Variants in SHISA6 observed in about 807,000 individuals in gnomAD.
SHISA6 encodes protein shisa-6.
Under a neutral mutation model 47.9 loss-of-function variants are expected in SHISA6, and 22 were observed. The observed-to-expected ratio is 0.46, with a 90% CI of 0.33 to 0.66. SHISA6 has a LOEUF of 0.66. SHISA6 is among the 30% of genes least tolerant of loss of function. SHISA6 has a pLI of 0.02. For synonymous variants in SHISA6, 388 were observed against 337.8 expected (o/e 1.15, Z -1.63); for missense variants, 680 against 764.6 (o/e 0.89, Z 1.30).
At chr17:11,472,438 A>T (rs1246433448) in intron 3 of SHISA6, among the ~76,000 whole-genome samples, 1 of 152,054 alleles carries the variant, frequency 6.6e-6, no homozygotes, top group Admixed American at 6.6e-5. Flanking sequence ...GCCTCAAGTG[A>T]TCCTTCTACC....
chr17:11,558,349 G>A lies in SHISA6; in HGVS notation c.*45G>A, dbSNP rs1181412671. 9.3e-6 allele frequency: 14 copies of A among 1,511,880 alleles called. No individual in the cohort carries two copies. The highest frequency in any genetic ancestry group is 1.3e-5 in the South Asian group (1 of 79,890). The allele number at this position is 1,511,880 out of a possible 1,614,324, so 93.7% of individuals were successfully genotyped here. A position where few individuals can be genotyped will look rare whatever the true frequency, so the allele number is the denominator to read the frequency against. ...GCTGCTGGGCGTGGCAGAGCAGAGCGGGGGCCGGGAGGGGCCAGGAGCAGA... is the reference window on the plus strand; with the variant it reads ...GCTGCTGGGCGTGGCAGAGCAGAGCAGGGGCCGGGAGGGGCCAGGAGCAGA... On this transcript the variant is annotated 3_prime_UTR_variant, in exon 6 of 6. Coordinates refer to ENST00000441885, the MANE Select transcript of SHISA6 (RefSeq NM_207386.4).
chr17:11,286,638 T>C (rs543665603), intron 2 of SHISA6, among the ~76,000 whole-genome samples: 1 of 152,346 alleles, frequency 6.6e-6, no homozygotes, highest in African/African-American at 2.4e-5. Context: ...TTTTCTCACA[T>C]GGGAGTCAGG....
chr17:11,368,239 T>A (rs1912516928), intron 2 of SHISA6, among the ~76,000 whole-genome samples: 1 of 152,142 alleles, frequency 6.6e-6, no homozygotes, highest in Non-Finnish European at 1.5e-5. Context: ...GATCACAGAA[T>A]CACAGAGGAA....
intron 2 of SHISA6, among the ~76,000 whole-genome samples, chr17:11,352,813 C>T (rs1230677730): frequency 1.3e-5 from 2 of 152,212 alleles, no homozygotes; most frequent in East Asian, 1.9e-4. Flanking sequence ...AATGGCCCCC[C>T]TTTTATTGGA....
At chr17:11,472,299 C>CA (rs1226455337) in intron 3 of SHISA6, among the ~76,000 whole-genome samples, 1 of 152,188 alleles carries the variant, frequency 6.6e-6, no homozygotes, top group Non-Finnish European at 1.5e-5. Flanking sequence ...AGGGTCCAAG[C>CA]AGTCTTTCCA....
chr17:11,431,150 C>G (rs1050460095), intron 3 of SHISA6, among the ~76,000 whole-genome samples: 3 of 152,184 alleles, frequency 2.0e-5, no homozygotes, highest in African/African-American at 7.2e-5. Context: ...TCATGTCCCC[C>G]CTGAGTCATC....
chr17:11,243,600 G>C (rs190281364), intron 1 of SHISA6, among the ~76,000 whole-genome samples: 27 of 152,264 alleles, frequency 1.8e-4, no homozygotes, highest in African/African-American at 6.3e-4. Flanking sequence ...ATAAAGGCAA[G>C]AGACAGTTTC....
chr17:11,444,616 T>A (rs1915184352), intron 3 of SHISA6, among the ~76,000 whole-genome samples: 3 of 152,128 alleles, frequency 2.0e-5, no homozygotes, highest in African/African-American at 2.4e-5. Flanking sequence ...ATAATAATAA[T>A]TTGAGCCCCA....
intron 2 of SHISA6, among the ~76,000 whole-genome samples, chr17:11,334,384 A>G (rs974984139): frequency 6.6e-6 from 1 of 152,140 alleles, no homozygotes; most frequent in Non-Finnish European, 1.5e-5. Flanking sequence ...CAGCTTTTTG[A>G]GAGTGCTTGA....
At chr17:11,258,915 A>G (rs1471581372) in intron 1 of SHISA6, among the ~76,000 whole-genome samples, 1 of 152,192 alleles carries the variant, frequency 6.6e-6, no homozygotes, top group Non-Finnish European at 1.5e-5. Flanking sequence ...GGTGAAGAAG[A>G]CAAATGTGAC....
intron 1 of SHISA6, among the ~76,000 whole-genome samples, chr17:11,249,099 C>G (rs974665020): frequency 6.8e-6 from 1 of 147,756 alleles, no homozygotes; most frequent in Non-Finnish European, 1.5e-5. Flanking sequence ...GATCGCGCCA[C>G]TGCACTCCAG....
chr17:11,455,527 G>A (rs545996813), intron 3 of SHISA6, among the ~76,000 whole-genome samples: 11 of 152,136 alleles, frequency 7.2e-5, no homozygotes, highest in Non-Finnish European at 1.5e-4. Flanking sequence ...GTACAAGCGT[G>A]GAAGTGTGTG....
At chr17:11,348,005 G>A (rs376869803) in intron 2 of SHISA6, among the ~76,000 whole-genome samples, 13 of 152,338 alleles carry the variant, frequency 8.5e-5, no homozygotes, top group East Asian at 7.7e-4. Context: ...GACTGCCAGA[G>A]TTAATTGGTC....
At chr17:11,327,974 A>G (rs1910962853) in intron 2 of SHISA6, among the ~76,000 whole-genome samples, 1 of 152,070 alleles carries the variant, frequency 6.6e-6, no homozygotes, top group African/African-American at 2.4e-5. Flanking sequence ...AGATACACAC[A>G]CACAGTTTTG....
intron 2 of SHISA6, among the ~76,000 whole-genome samples, chr17:11,266,431 G>C (rs911923824): frequency 3.3e-5 from 5 of 152,182 alleles, no homozygotes; most frequent in Admixed American, 3.3e-4. Context: ...GAAATCACTT[G>C]GCAATTAGAG....
At chr17:11,539,980 G>A (rs868532437) in intron 3 of SHISA6, among the ~76,000 whole-genome samples, 3 of 152,154 alleles carry the variant, frequency 2.0e-5, no homozygotes, top group South Asian at 2.1e-4. Context: ...GCAGAGAAGA[G>A]CCCTCGACAA....
chr17:11,445,784 C>A (rs747731166), intron 3 of SHISA6, among the ~76,000 whole-genome samples: 4 of 152,170 alleles, frequency 2.6e-5, no homozygotes, highest in Non-Finnish European at 5.9e-5. Flanking sequence ...GGGAGCAAGG[C>A]CTCCACAAGT....
At chr17:11,249,655 C>T (rs1907729379) in intron 1 of SHISA6, among the ~76,000 whole-genome samples, 1 of 152,196 alleles carries the variant, frequency 6.6e-6, no homozygotes, top group South Asian at 2.1e-4. Flanking sequence ...GAAAATGTTT[C>T]CACGGTCCCT....
intron 3 of SHISA6, among the ~76,000 whole-genome samples, chr17:11,383,922 G>A (rs1913113924): frequency 6.6e-6 from 1 of 152,132 alleles, no homozygotes; most frequent in African/African-American, 2.4e-5. Context: ...TCTTTAGCAA[G>A]GCAAAGAGTC....
Sources: gnomAD v4.1 joint callset for allele counts (sites outside exome capture counted in the v4.1 genomes callset) on GRCh38, gnomAD v4.1.1 for gene constraint, MANE v1.5 for transcripts, NCBI Gene and HGNC (gene_info 2026-07-23, HGNC 2026-07-21) for gene names.